Variants in CELF2 observed in about 807,000 individuals in gnomAD.
CELF2 encodes the protein CUG triplet repeat RNA-binding protein 2.
A neutral mutation model predicts 62.6 loss-of-function variants in CELF2; 8 were observed. The ratio of observed to expected loss-of-function variants is 0.13; its 90% confidence interval spans 0.07 to 0.23. The LOEUF (loss-of-function observed/expected upper bound fraction) is 0.23. Ranked by LOEUF, CELF2 falls within the 10% of genes least tolerant of loss-of-function variation. The probability of loss-of-function intolerance (pLI) is 1.00; values close to 1 mark genes in which losing one functional copy is unlikely to be tolerated. For missense variants in CELF2, 333 were observed against 671.0 expected, an observed-to-expected ratio of 0.50 and a Z score of 5.56; for synonymous variants, 258 against 250.0, an observed-to-expected ratio of 1.03 and a Z score of -0.30.
At position 11,316,246 on chromosome 10, in the gene CELF2, A is replaced by C. The variant is rs752744533; in HGVS notation, c.1096+1988A>C. On this transcript the variant is annotated intron_variant, in intron 10 of 12. Transcript: ENST00000633077. This position sits in a 1 kb window ranked among gnomAD's most constrained non-coding sequence, Gnocchi z 4.4. ...AATATAAGTCTGTATAGTTCATAGA[A>C]AACGAAGAAAGAATGTTTGTCATTT... is the stretch of plus-strand genomic sequence containing the variant. Among the ~76,000 whole-genome samples the C allele has an allele frequency of 9.8e-5, 15 of 152,378 alleles. No homozygotes were observed. Among genetic ancestry groups the C allele is most frequent in the South Asian group, 2.1e-4 (1 of 4,822 alleles).
the CELF2 span, among the ~76,000 whole-genome samples, chr10:10,568,226 C>G: frequency 6.6e-6 from 1 of 150,788 alleles, no homozygotes; most frequent in South Asian, 2.1e-4. Context: ...TGCAGGAGGA[C>G]AAGATTCCAA....
chr10:11,026,735 G>A (rs1179255681), intron 1 of CELF2, among the ~76,000 whole-genome samples: 3 of 152,048 alleles, frequency 2.0e-5, no homozygotes, highest in East Asian at 3.9e-4. Context: ...TTTCCTGAGC[G>A]GCTTCCTAAG....
chr10:10,637,055 C>T, the CELF2 span, among the ~76,000 whole-genome samples: 1 of 152,054 alleles, frequency 6.6e-6, no homozygotes, highest in Non-Finnish European at 1.5e-5. Context: ...ACCTTGAATT[C>T]AGAGAAATCT....
the CELF2 span, among the ~76,000 whole-genome samples, chr10:10,540,675 G>C: frequency 6.6e-6 from 1 of 152,130 alleles, no homozygotes; most frequent in Non-Finnish European, 1.5e-5. Context: ...ACCAACATCT[G>C]TGCAGGGAGT....
upstream of CELF2, among the ~76,000 whole-genome samples, chr10:11,016,225 T>G (rs1380513481): frequency 6.6e-6 from 1 of 152,198 alleles, no homozygotes; most frequent in Non-Finnish European, 1.5e-5. The surrounding 1 kb of genome is among the most constrained non-coding windows in gnomAD (Gnocchi z 5.2). Context: ...AGCTGGGGAA[T>G]AAATGCAGCT....
chr10:10,563,125 T>C, the CELF2 span, among the ~76,000 whole-genome samples: 1 of 151,458 alleles, frequency 6.6e-6, no homozygotes, highest in Non-Finnish European at 1.5e-5. Context: ...GAGGGAAGAG[T>C]CAGATAGAAG....
intron 1 of CELF2, among the ~76,000 whole-genome samples, chr10:11,120,635 C>T (rs150688573): frequency 1.5e-3 from 223 of 152,294 alleles, no homozygotes; most frequent in South Asian, 2.3e-3. Context: ...GAATCTAGGA[C>T]AACTGCATTC....
intron 10 of CELF2, chr10:11,317,267 A>G (rs1256513850): frequency 6.6e-6 from 1 of 152,062 alleles, no homozygotes; most frequent in Non-Finnish European, 1.5e-5. Context: ...TGCTCCAGGC[A>G]TATTTTCGTG....
At chr10:10,730,671 C>G in the CELF2 span, among the ~76,000 whole-genome samples, 3 of 152,184 alleles carry the variant, frequency 2.0e-5, no homozygotes, top group African/African-American at 7.2e-5. Flanking sequence ...GAAACTAATT[C>G]TGCCTTCACG....
intron 2 of CELF2, among the ~76,000 whole-genome samples, chr10:10,942,076 C>T (rs2047117020): frequency 6.6e-6 from 1 of 150,962 alleles, no homozygotes; most frequent in Non-Finnish European, 1.5e-5. Context: ...ATTTTGACAA[C>T]ATAGTTTTCT....
the CELF2 span, among the ~76,000 whole-genome samples, chr10:10,763,004 G>A: frequency 6.6e-6 from 1 of 152,180 alleles, no homozygotes; most frequent in Non-Finnish European, 1.5e-5. Context: ...ACAGCCTCTA[G>A]TTAGTACTAG....
At chr10:10,991,627 A>AT (rs763105856) in intron 2 of CELF2, among the ~76,000 whole-genome samples, 1 of 152,020 alleles carries the variant, frequency 6.6e-6, no homozygotes, top group African/African-American at 2.4e-5. Flanking sequence ...TGTTTTCTCA[A>AT]TTTTTTTTGG....
chr10:11,190,775 TA>T (rs11301213), intron 2 of CELF2, among the ~76,000 whole-genome samples: 21,346 of 53,164 alleles, frequency 0.4, 3,707 homozygotes, highest in Non-Finnish European at 0.45. Flanking sequence ...CTCTTTTCTT[TA>T]AAAAAAAAAA....
intron 2 of CELF2, among the ~76,000 whole-genome samples, chr10:10,994,897 A>C (rs973684673): frequency 6.6e-6 from 1 of 152,102 alleles, no homozygotes; most frequent in Non-Finnish European, 1.5e-5. Flanking sequence ...CCCTCAGGCT[A>C]GTCTCCTCTG....
chr10:10,772,565 A>G, the CELF2 span, among the ~76,000 whole-genome samples: 1 of 152,236 alleles, frequency 6.6e-6, no homozygotes, highest in Non-Finnish European at 1.5e-5. Context: ...GTCCGAGTCA[A>G]TGAGCTTGGG....
the CELF2 span, among the ~76,000 whole-genome samples, chr10:10,514,024 C>T: frequency 1.2e-4 from 18 of 152,192 alleles, no homozygotes; most frequent in Non-Finnish European, 2.9e-5. Flanking sequence ...GAGAGCCTTC[C>T]ACTTGCTCTC....
intron 1 of CELF2, among the ~76,000 whole-genome samples, chr10:11,119,264 A>G (rs2057224722): frequency 1.3e-5 from 2 of 152,202 alleles, no homozygotes; most frequent in African/African-American, 4.8e-5. Flanking sequence ...ATAGAGCAAT[A>G]AATTCAGTTG....
intron 1 of CELF2, among the ~76,000 whole-genome samples, chr10:10,883,898 TTCCTCCCCCTCTTCC>T (rs2061589876): frequency 6.6e-6 from 1 of 151,508 alleles, no homozygotes; most frequent in Non-Finnish European, 1.5e-5. Context: ...CCTCCTCTTC[TTCCTCCCCCTCTTCC>T]TCCTCCTCCT....
At chr10:11,225,190 C>T (rs1385116615) in intron 3 of CELF2, among the ~76,000 whole-genome samples, 1 of 152,140 alleles carries the variant, frequency 6.6e-6, no homozygotes, top group Non-Finnish European at 1.5e-5. Context: ...AAAGAATAAA[C>T]AGTAAACGGT....
Sources: gnomAD v4.1 joint callset for allele counts (sites outside exome capture counted in the v4.1 genomes callset) on GRCh38, gnomAD v4.1.1 for gene constraint, Gnocchi (gnomAD v3.1) non-coding constraint, MANE v1.5 for transcripts, NCBI Gene and HGNC (gene_info 2026-07-23, HGNC 2026-07-21) for gene names.